The following FAM78B variants were observed in gnomAD, a reference collection of about 807,000 sequenced individuals.
FAM78B encodes protein FAM78B.
In FAM78B, 10 loss-of-function variants were observed where a neutral mutation model predicts 20.0. The observed-to-expected ratio is 0.50, with a 90% CI of 0.31 to 0.85. The LOEUF (loss-of-function observed/expected upper bound fraction) is 0.85. FAM78B is among the 40% of genes least tolerant of loss of function. The pLI is 0.05. For synonymous variants in FAM78B, 135 were observed against 132.8 expected (o/e 1.02, Z -0.12); for missense variants, 283 against 345.0 (o/e 0.82, Z 1.42).
At chr1:166,084,336 C>T (rs922852710) in intron 1 of FAM78B, among the ~76,000 whole-genome samples, 3 of 151,900 alleles carry the variant, frequency 2.0e-5, no homozygotes, top group Non-Finnish European at 4.4e-5. Flanking sequence ...GCTCTGGAAG[C>T]TACCAGCCTA....
At chr1:166,165,598 C>T (rs985685934) in intron 1 of FAM78B, among the ~76,000 whole-genome samples, 6 of 152,156 alleles carry the variant, frequency 3.9e-5, no homozygotes, top group Admixed American at 2.6e-4. Flanking sequence ...CACTCCACTC[C>T]ACTCCTCTAT....
At chr1:166,110,163 T>A (rs1323885605) in intron 1 of FAM78B, among the ~76,000 whole-genome samples, 1 of 151,272 alleles carries the variant, frequency 6.6e-6, no homozygotes, top group Non-Finnish European at 1.5e-5. Context: ...TATGGTGCAG[T>A]GAATACTGCT....
chr1:166,164,507 A>C (rs1447136613), intron 1 of FAM78B, among the ~76,000 whole-genome samples: 1 of 152,262 alleles, frequency 6.6e-6, no homozygotes, highest in Non-Finnish European at 1.5e-5. Flanking sequence ...CTCTGGAAGA[A>C]TACAGTGTGC....
At chr1:166,143,726 G>A (rs1655360430) in intron 1 of FAM78B, among the ~76,000 whole-genome samples, 1 of 152,078 alleles carries the variant, frequency 6.6e-6, no homozygotes, top group African/African-American at 2.4e-5. Context: ...AAGGAAGTGG[G>A]GTGGAGAGGG....
chr1:166,112,731 C>A (rs1421279760), intron 1 of FAM78B, among the ~76,000 whole-genome samples: 1 of 152,166 alleles, frequency 6.6e-6, no homozygotes, highest in Non-Finnish European at 1.5e-5. Flanking sequence ...GGCTATGGTC[C>A]ACCTAGGATT....
chr1:166,147,634 A>G (rs1294945537), intron 1 of FAM78B: 1 of 150,502 alleles, frequency 6.6e-6, no homozygotes, highest in Non-Finnish European at 1.5e-5. Flanking sequence ...TCCAAACACC[A>G]TGATTTTTTT....
At chr1:166,165,369 T>C (rs888117452) in intron 1 of FAM78B, among the ~76,000 whole-genome samples, 3 of 151,984 alleles carry the variant, frequency 2.0e-5, no homozygotes, top group Admixed American at 1.3e-4. Flanking sequence ...CCAGAACTGG[T>C]CCAGGGGGCG....
chr1:166,103,968 A>G (rs1240870192), intron 1 of FAM78B, among the ~76,000 whole-genome samples: 1 of 152,220 alleles, frequency 6.6e-6, no homozygotes, highest in African/African-American at 2.4e-5. Context: ...AATACTGGCA[A>G]ACCGAATCCA....
chr1:166,132,091 C>T (rs1025439508), intron 1 of FAM78B, among the ~76,000 whole-genome samples: 2 of 152,202 alleles, frequency 1.3e-5, no homozygotes, highest in African/African-American at 4.8e-5. Context: ...GATACCTCTA[C>T]AGTAAGAGCA....
rs1328174190 is a variant in FAM78B, at chr1:166,109,878, A to ATG, written c.264-39116_264-39115insCA. Among the ~76,000 whole-genome samples the ATG allele has an allele frequency of 9.2e-3, 152 of 16,462 alleles. 20 individuals carry two copies. The highest frequency in any genetic ancestry group is 0.03 in the African/African-American group (134 of 4,416). 10.8% of individuals were successfully genotyped at this position (16,462 alleles called of 152,430 possible). ...TATATATATGTATGTGTATATATAT[A>ATG]TATGTATATATGTATATATATATAT... On this transcript the variant is annotated intron_variant, in intron 1 of 1. Coordinates refer to ENST00000354422, the MANE Select transcript of FAM78B (RefSeq NM_001017961.5).
At chr1:166,067,574 C>A (rs1651848001), downstream of FAM78B, among the ~76,000 whole-genome samples, 1 of 152,138 alleles carries the variant, frequency 6.6e-6, no homozygotes, top group Non-Finnish European at 1.5e-5. Context: ...TTAATTCTCT[C>A]TTGTACAAGA....
At chr1:166,083,394 A>C (rs2101726185) in intron 1 of FAM78B, among the ~76,000 whole-genome samples, 1 of 151,968 alleles carries the variant, frequency 6.6e-6, no homozygotes, top group East Asian at 1.9e-4. Context: ...CAAGACCTGC[A>C]TGCAAATCTG....
intron 1 of FAM78B, among the ~76,000 whole-genome samples, chr1:166,159,264 G>A (rs1010656885): frequency 3.9e-5 from 6 of 152,102 alleles, no homozygotes; most frequent in African/African-American, 7.2e-5. Flanking sequence ...CCAGGACACA[G>A]GGTCAGAAGA....
intron 1 of FAM78B, among the ~76,000 whole-genome samples, chr1:166,135,224 A>G (rs182229203): frequency 2.0e-4 from 31 of 152,360 alleles, no homozygotes; most frequent in African/African-American, 6.7e-4. Context: ...CTCAGAAGAA[A>G]AAGTGAAAAA....
At chr1:166,119,103 G>A (rs1371612325) in intron 1 of FAM78B, among the ~76,000 whole-genome samples, 2 of 152,112 alleles carry the variant, frequency 1.3e-5, no homozygotes, top group African/African-American at 4.8e-5. Flanking sequence ...GGAAGGCAGA[G>A]AGAGCTTCTA....
rs534640905 is a variant in FAM78B at position 166,121,323 on chromosome 1, C to T, written c.263+44663G>A. Among the ~76,000 whole-genome samples the T allele has an allele frequency of 2.4e-4, 37 of 152,202 alleles. No individual in the cohort carries two copies. The South Asian group carries it at 7.7e-3, about 32-fold the overall frequency. ...CCTCAGGACCAGGCTCTGTCTACAC[C>T]CTCACCTCGGTCACTCTTGGACCCC... On this transcript the variant is annotated intron_variant, in intron 1 of 1. Transcript: ENST00000354422.
chr1:166,104,535 T>G (rs1295134593), intron 1 of FAM78B, among the ~76,000 whole-genome samples: 1 of 151,946 alleles, frequency 6.6e-6, no homozygotes, highest in Non-Finnish European at 1.5e-5. Context: ...TGTGCAAAAA[T>G]CACAAGCATT....
At chr1:166,075,059 G>A (rs1652211162) in intron 1 of FAM78B, among the ~76,000 whole-genome samples, 1 of 152,200 alleles carries the variant, frequency 6.6e-6, no homozygotes. Context: ...AGACACTGCT[G>A]GCGGGGCAGG....
downstream of FAM78B, among the ~76,000 whole-genome samples, chr1:166,056,504 T>C (rs559990752): frequency 1.3e-5 from 2 of 152,240 alleles, no homozygotes; most frequent in East Asian, 3.9e-4. Context: ...AAGACCTCTC[T>C]TCCAACCCTG....
Sources: gnomAD v4.1 joint callset for allele counts (sites outside exome capture counted in the v4.1 genomes callset) on GRCh38, gnomAD v4.1.1 for gene constraint, MANE v1.5 for transcripts, NCBI Gene and HGNC (gene_info 2026-07-23, HGNC 2026-07-21) for gene names.